The following AGO2 variants were observed in gnomAD, a reference collection of about 807,000 sequenced individuals.
AGO2 encodes protein argonaute-2.
A neutral mutation model predicts 102.3 loss-of-function variants in AGO2; 5 were observed. The ratio of observed to expected loss-of-function variants is 0.05; its 90% CI spans 0.03 to 0.10. AGO2 has a LOEUF of 0.10. AGO2 is among the 10% of genes least tolerant of loss of function. The probability of loss-of-function intolerance (pLI) is 1.00; values close to 1 mark genes in which losing one functional copy is unlikely to be tolerated. For synonymous variants in AGO2, 449 were observed against 473.1 expected, an observed-to-expected ratio of 0.95 and a Z score of 0.66; for missense variants, 541 against 1,183.7, an observed-to-expected ratio of 0.46 and a Z score of 7.97.
rs1300264118 is a variant in AGO2 at position 140,529,537 on chromosome 8, C to G, written c.*2507G>C. ...ACAAGCATAGGGCTATAAAAAAGTA[C>G]CCTTTTCGAAGTACTCTGGCCCACT... On this transcript the variant is annotated 3_prime_UTR_variant, in exon 19 of 19. Transcript: ENST00000220592. 1.3e-5 allele frequency: 2 copies of G among 152,086 alleles called. No individual in the cohort carries two copies. Among genetic ancestry groups the G allele is most frequent in the East Asian group, 3.8e-4 (2 of 5,204 alleles). 9.4% of individuals were successfully genotyped at this position (152,086 alleles called of 1,614,324 possible). A position where few individuals can be genotyped will look rare whatever the true frequency, so the allele number is the denominator to read the frequency against.
At chr8:140,572,776 T>C (rs754142604) in intron 3 of AGO2, 36 bp downstream of exon 3, 47 of 1,600,748 alleles carry the variant, frequency 2.9e-5, no homozygotes, top group South Asian at 2.5e-4. Flanking sequence ...TACTTCACCG[T>C]ATGTTACTCC....
At chr8:140,638,114 G>C (rs2074421968), upstream of AGO2, 1 of 152,200 alleles carries the variant, frequency 6.6e-6, no homozygotes, top group Non-Finnish European at 1.5e-5. Flanking sequence ...CTGCACACTG[G>C]GTGCACTCAG....
chr8:140,560,536 C>G (rs762875953), intron 4 of AGO2, 26 bp from the exon 5 acceptor site: 2 of 1,599,738 alleles, frequency 1.3e-6, no homozygotes, highest in Non-Finnish European at 1.7e-6. Context: ...CCCACCCCGC[C>G]TCCCGTCAGA....
chr8:140,618,837 A>G (rs1443085124), intron 1 of AGO2, among the ~76,000 whole-genome samples: 1 of 151,946 alleles, frequency 6.6e-6, no homozygotes, highest in Non-Finnish European at 1.5e-5. Context: ...AAAAGAAAAG[A>G]AAACATATTT....
At chr8:140,636,777 T>G (rs868602204), upstream of AGO2, 1 of 152,204 alleles carries the variant, frequency 6.6e-6, no homozygotes, top group African/African-American at 2.4e-5. Context: ...TCCTGAAATG[T>G]GTAGTAATGA....
At chr8:140,629,429 T>G (rs944316280) in intron 1 of AGO2, among the ~76,000 whole-genome samples, 1 of 152,044 alleles carries the variant, frequency 6.6e-6, no homozygotes, top group Non-Finnish European at 1.5e-5. Context: ...ATGCTAGTCA[T>G]CCAGGCCAAA....
chr8:140,639,154 C>A (rs1588527036), upstream of AGO2, among the ~76,000 whole-genome samples: 1 of 152,324 alleles, frequency 6.6e-6, no homozygotes. Flanking sequence ...AAGTGTGAGA[C>A]ACTATGCCCA....
At chr8:140,635,934 G>A (rs531167017), upstream of AGO2, among the ~76,000 whole-genome samples, 7 of 149,180 alleles carry the variant, frequency 4.7e-5, no homozygotes, top group East Asian at 1.0e-3. Flanking sequence ...TGGCGCGGGG[G>A]CGGGCGCGGC....
chr8:140,547,515 G>C lies in AGO2; in HGVS notation c.1701C>G (p.Ile567Met). Residue 567 changes from isoleucine to methionine, a missense_variant, in exon 13 of 19, where the codon ATC (isoleucine) becomes ATG (methionine). Coordinates refer to ENST00000220592, the MANE Select transcript of AGO2 (RefSeq NM_012154.5). Reference sequence around the variant, plus strand: ...TGTTCACGCCTCCCAGCTTGACGTTGATCTTCAGGCAGAGGTTGGACAGGG... The same window carrying C: ...TGTTCACGCCTCCCAGCTTGACGTTCATCTTCAGGCAGAGGTTGGACAGGG... Reference protein sequence around the residue: ...PQTLSNLCLKINVKLGGVNNI... With the variant: ...PQTLSNLCLKMNVKLGGVNNI... 3 of 1,614,196 alleles carry C rather than the reference G, an allele frequency of 1.9e-6. No individual in the cohort carries two copies. Among genetic ancestry groups the C allele is most frequent in the Non-Finnish European group, 2.5e-6 (3 of 1,180,010 alleles).
chr8:140,526,605 C>CT lies in AGO2; in HGVS notation c.*5438dup, dbSNP rs2072510949. On this transcript the variant is annotated 3_prime_UTR_variant, in exon 19 of 19. Coordinates refer to ENST00000220592, the MANE Select transcript of AGO2 (RefSeq NM_012154.5). The surrounding 1 kb of genome is among the most constrained non-coding windows in gnomAD (Gnocchi z 5.2). ...GCTGTTTTCAGTGTGGACAGCTACACTTAAGAGCAAACATGATGAATCTAT... is the reference window on the plus strand; with the variant it reads ...GCTGTTTTCAGTGTGGACAGCTACACTTTAAGAGCAAACATGATGAATCTAT... 6.6e-6 allele frequency: 1 copy of CT among 152,184 alleles called. No homozygotes were observed. The highest frequency in any genetic ancestry group is 3.2e-3 in the Middle Eastern group (1 of 316). 9.4% of individuals were successfully genotyped at this position (152,184 alleles called of 1,614,324 possible).
At position 140,531,753 on chromosome 8, in the gene AGO2, G is replaced by A. The variant is rs1313763852; in HGVS notation, c.*291C>T. 1 of 276,214 alleles carries A rather than the reference G, an allele frequency of 3.6e-6. No individual in the cohort carries two copies. The highest frequency in any genetic ancestry group is 4.7e-5 in the Admixed American group (1 of 21,464). The allele number at this position is 276,214 out of a possible 1,614,324, so 17.1% of individuals were successfully genotyped here. On this transcript the variant is annotated 3_prime_UTR_variant, in exon 19 of 19. Coordinates refer to ENST00000220592, the MANE Select transcript of AGO2 (RefSeq NM_012154.5). ...AATGTTTTAAAGCCCTGAGTTCATA[G>A]ACTGGTTTTAGGAGATTTTTAGGAC...
At chr8:140,542,022 C>T (rs2072808304) in intron 14 of AGO2, among the ~76,000 whole-genome samples, 1 of 152,142 alleles carries the variant, frequency 6.6e-6, no homozygotes, top group Non-Finnish European at 1.5e-5. Flanking sequence ...CTATTTCTTC[C>T]AAAGAAACTA....
In AGO2 at chr8:140,535,479, C is replaced by T. The variant is rs1475264379; in HGVS notation, c.2260G>A (p.Ala754Thr). Residue 754 changes from alanine to threonine, a missense_variant, in exon 17 of 19, where the codon GCT (alanine) becomes ACT (threonine). Around this residue, in one of 6 missense-constraint regions of AGO2, gnomAD observed 309 missense variants for 735.1 expected, o/e 0.42. Transcript: ENST00000220592. ...TEFDFYLCSH[A>T]GIQGTSRPSH... ...ACTCCCGGCCTTACCTGGATGCCAG[C>T]GTGACTACACAGGTAGAAGTCGAAC... 1.9e-6 allele frequency: 3 copies of T among 1,614,060 alleles called. No individual in the cohort carries two copies. The highest frequency in any genetic ancestry group is 1.3e-5 in the African/African-American group (1 of 74,942).
At chr8:140,559,586 C>T in intron 5 of AGO2, 57 bp from the exon 6 acceptor site, 1 of 1,604,402 alleles carries the variant, frequency 6.2e-7, no homozygotes, top group Non-Finnish European at 8.5e-7. Flanking sequence ...GCTGGACGGG[C>T]CCATAGTCCT....
rs2072921260 is a variant in AGO2 at position 140,547,462 on chromosome 8, C to A, written c.1748+6G>T. On this transcript the variant is annotated splice_donor_region_variant and intron_variant, in intron 13 of 18. Transcript: ENST00000220592. ...CGCAGGCGGAGGTAAAGGGGCCGGG[C>A]CTCACCTGCCCTGGGGCAGCAGGAT... 1.5e-5 allele frequency: 24 copies of A among 1,613,152 alleles called. No individual in the cohort carries two copies. The highest frequency in any genetic ancestry group is 2.0e-5 in the Non-Finnish European group (24 of 1,179,466).
chr8:140,541,591 T>TAAACAAAACA lies in AGO2; in HGVS notation c.1840-243_1840-234dup, dbSNP rs137961668. 6 of 438,162 alleles carry TAAACAAAACA rather than the reference T, an allele frequency of 1.4e-5. No individual in the cohort carries two copies. In the East Asian group the frequency reaches 2.0e-4, roughly 14 times the overall value. 27.1% of individuals were successfully genotyped at this position (438,162 alleles called of 1,614,324 possible). On this transcript the variant is annotated intron_variant, in intron 14 of 18. Transcript: ENST00000220592. ...CAAAAGTTTGCCAAGTTACATAGTT[T>TAAACAAAACA]AAACAAAACAAAACAAAACAAAACA...
upstream of AGO2, chr8:140,636,336 C>G (rs1414070868): frequency 6.6e-6 from 1 of 152,298 alleles, no homozygotes; most frequent in Non-Finnish European, 1.5e-5. Flanking sequence ...CACGCCCATT[C>G]CAGCAGTCAG....
At position 140,534,550 on chromosome 8, in the gene AGO2, C is replaced by T. The variant is rs560770186; in HGVS notation, c.2271+918G>A. On this transcript the variant is annotated intron_variant, in intron 17 of 18. Transcript: ENST00000220592. ...AACAGCAAAACCCACTCTCAGCTCC[C>T]GGGCTGCAGGCTGGACCCGGCCCAC... 7.4e-4 allele frequency among the ~76,000 whole-genome samples: 113 copies of T among 152,386 alleles called. 1 individual carries two copies. Among genetic ancestry groups the T allele is most frequent in the African/African-American group, 2.5e-3 (106 of 41,592 alleles).
chr8:140,554,369 G>GAC (rs1481226559), intron 10 of AGO2, among the ~76,000 whole-genome samples: 1 of 152,052 alleles, frequency 6.6e-6, no homozygotes, highest in Non-Finnish European at 1.5e-5. Flanking sequence ...CACCACCAGG[G>GAC]ACACAGACCC....
Sources: gnomAD v4.1 joint callset for allele counts (sites outside exome capture counted in the v4.1 genomes callset) on GRCh38, gnomAD v4.1.1 for gene constraint, gnomAD v4.1.1 regional missense constraint, Gnocchi (gnomAD v3.1) non-coding constraint, MANE v1.5 for transcripts, NCBI Gene and HGNC (gene_info 2026-07-23, HGNC 2026-07-21) for gene names.